KLHL3: variants seen among roughly 807,000 people sequenced by gnomAD.
The protein encoded by KLHL3 is kelch-like protein 3.
Under a neutral mutation model 70.5 loss-of-function variants are expected in KLHL3, and 19 were observed. The observed-to-expected ratio is 0.27, with a 90% CI of 0.19 to 0.40. The LOEUF is 0.40. Among genes scored for constraint, KLHL3 ranks in the 10% least tolerant of loss-of-function variants. KLHL3 has a pLI of 1.00. For missense variants in KLHL3, 512 were observed against 771.1 expected, an observed-to-expected ratio of 0.66 and a Z score of 3.98; for synonymous variants, 258 against 290.3, an observed-to-expected ratio of 0.89 and a Z score of 1.13.
chr5:137,696,256 C>A (rs2149920587), intron 4 of KLHL3, among the ~76,000 whole-genome samples: 1 of 152,328 alleles, frequency 6.6e-6, no homozygotes, highest in South Asian at 2.1e-4. Context: ...GGTGTTGGGG[C>A]CACCCAGGGT....
intron 11 of KLHL3, among the ~76,000 whole-genome samples, chr5:137,636,733 T>C (rs1038889318): frequency 1.2e-4 from 18 of 152,052 alleles, no homozygotes; most frequent in Non-Finnish European, 8.8e-5. Flanking sequence ...CAAACAAAAG[T>C]GTACCATCTG....
chr5:137,731,755 A>G (rs1304399854), intron 1 of KLHL3, among the ~76,000 whole-genome samples: 1 of 152,134 alleles, frequency 6.6e-6, no homozygotes, highest in African/African-American at 2.4e-5. Flanking sequence ...AAAAATAGAC[A>G]ATTAACTTCC....
intron 8 of KLHL3, among the ~76,000 whole-genome samples, chr5:137,648,977 A>C (rs945232954): frequency 6.6e-6 from 1 of 152,212 alleles, no homozygotes; most frequent in African/African-American, 2.4e-5. Context: ...TTACTTTCTC[A>C]GAGAGACTTC....
At chr5:137,721,894 G>C (rs1753004133) in intron 1 of KLHL3, among the ~76,000 whole-genome samples, 1 of 152,218 alleles carries the variant, frequency 6.6e-6, no homozygotes, top group African/African-American at 2.4e-5. Flanking sequence ...GTGGAAATAA[G>C]GAATCAAAAG....
intron 1 of KLHL3, among the ~76,000 whole-genome samples, chr5:137,725,939 T>C (rs1753078998): frequency 6.6e-6 from 1 of 152,206 alleles, no homozygotes; most frequent in Non-Finnish European, 1.5e-5. Context: ...TCAAGCTTCA[T>C]AGCCATAAGG....
intron 14 of KLHL3, among the ~76,000 whole-genome samples, chr5:137,623,106 A>C (rs773658325): frequency 1.3e-5 from 2 of 152,256 alleles, no homozygotes; most frequent in Non-Finnish European, 2.9e-5. Flanking sequence ...TGGTTCTGTC[A>C]GTCTGAGCCC....
At chr5:137,637,164 T>G (rs1207148647) in intron 11 of KLHL3, 130 bp downstream of exon 11, 1 of 667,764 alleles carries the variant, frequency 1.5e-6, no homozygotes. Context: ...ATCAGGATAA[T>G]AGTACCTAAC....
At position 137,687,396 on chromosome 5, in the gene KLHL3, C is replaced by A. The variant is rs1256552319; in HGVS notation, c.526+4889G>T. ...AGGAGCCCCTCTGCCTGGCGAGCCG[C>A]CCCGTCCGGGAGGGTGGTGGGGGGG... On this transcript the variant is annotated intron_variant, in intron 5 of 14. Coordinates refer to ENST00000309755, the MANE Select transcript of KLHL3 (RefSeq NM_017415.3). Among the ~76,000 whole-genome samples the A allele has an allele frequency of 4.2e-4, 13 of 31,122 alleles. 3 individuals carry two copies. Among genetic ancestry groups the A allele is most frequent in the Admixed American group, 3.2e-3 (12 of 3,780 alleles). The allele number at this position is 31,122 out of a possible 152,430, so 20.4% of individuals were successfully genotyped here.
At chr5:137,668,488 A>G (rs1383676781) in intron 6 of KLHL3, among the ~76,000 whole-genome samples, 1 of 152,126 alleles carries the variant, frequency 6.6e-6, no homozygotes, top group South Asian at 2.1e-4. Flanking sequence ...TCCTAATTAC[A>G]ATCCTCCACG....
chr5:137,709,821 T>G lies in KLHL3; in HGVS notation c.170A>C (p.Glu57Ala). Residue 57 changes from glutamate to alanine, a missense_variant, in exon 3 of 15, where the codon GAA (glutamate) becomes GCA (alanine). Glu to Ala is a moderately radical substitution (Grantham distance 107). Coordinates refer to ENST00000309755, the MANE Select transcript of KLHL3 (RefSeq NM_017415.3). The part of the protein sequence containing the change: ...QLLCDVMIVA[E>A]DVEIEAHRVV... Reference sequence around the variant, plus strand: ...ACGGTGGGCTTCTATCTCGACATCTTCTGCCACAATCATCACGTCACACAA... The same window carrying G: ...ACGGTGGGCTTCTATCTCGACATCTGCTGCCACAATCATCACGTCACACAA... 6.2e-7 allele frequency: 1 copy of G among 1,614,098 alleles called. No individual in the cohort carries two copies. Among genetic ancestry groups the G allele is most frequent in the Non-Finnish European group, 8.5e-7 (1 of 1,180,010 alleles).
In KLHL3 at chr5:137,625,796, C is replaced by T. The variant is rs2149876234; in HGVS notation, c.1692G>A (p.Trp564Ter). 6.2e-7 allele frequency: 1 copy of T among 1,614,136 alleles called. No individual in the cohort carries two copies. Among genetic ancestry groups the T allele is most frequent in the Non-Finnish European group, 8.5e-7 (1 of 1,180,028 alleles). Residue 564 changes from tryptophan to a stop codon, truncating the protein, a stop_gained, in exon 14 of 15, where the codon TGG becomes TGA. Transcript: ENST00000309755. LOFTEE classifies it high-confidence loss of function. The stretch of plus-strand genomic sequence containing the variant: ...TGCTCATGTTCGTTGGAAGCAGCGT[C>T]CATTTGTCAGTGACAGGATTGTAGT... ...VEYYNPVTDK[W>*]TLLPTNMSTG...
intron 5 of KLHL3, among the ~76,000 whole-genome samples, chr5:137,683,247 T>C (rs1362908479): frequency 6.6e-6 from 1 of 152,122 alleles, no homozygotes. Context: ...AACATACTCA[T>C]TGTGTTTTAC....
intron 6 of KLHL3, among the ~76,000 whole-genome samples, chr5:137,677,251 A>C (rs1025025846): frequency 7.9e-5 from 12 of 152,212 alleles, no homozygotes; most frequent in African/African-American, 2.9e-4. Flanking sequence ...GTTCAAGACC[A>C]GTCTGGTCAA....
chr5:137,678,950 C>A (rs11747372), intron 5 of KLHL3, among the ~76,000 whole-genome samples: 1,524 of 151,856 alleles, frequency 0.01, 13 homozygotes, highest in Non-Finnish European at 0.017. Context: ...AGTTTTTTTA[C>A]GAAGGAAACC....
At chr5:137,694,789 G>C (rs1752407129) in intron 4 of KLHL3, among the ~76,000 whole-genome samples, 1 of 152,126 alleles carries the variant, frequency 6.6e-6, no homozygotes, top group Non-Finnish European at 1.5e-5. Context: ...AATAGGATAG[G>C]TGTTCATCCT....
intron 3 of KLHL3, among the ~76,000 whole-genome samples, chr5:137,699,219 C>A (rs1383315968): frequency 6.6e-6 from 1 of 152,150 alleles, no homozygotes; most frequent in Non-Finnish European, 1.5e-5. Context: ...CTACAGGCAG[C>A]AAAGGTGAGG....
chr5:137,626,674 T>A (rs1485716834), intron 13 of KLHL3, among the ~76,000 whole-genome samples: 4 of 152,202 alleles, frequency 2.6e-5, no homozygotes, highest in Admixed American at 2.6e-4. Context: ...CCCTCCTGGA[T>A]GGCGTCTAAA....
chr5:137,626,386 A>G (rs540320389), intron 13 of KLHL3, among the ~76,000 whole-genome samples: 1 of 152,304 alleles, frequency 6.6e-6, no homozygotes, highest in African/African-American at 2.4e-5. Context: ...TCCCTTTACA[A>G]GACTGGGTCT....
At chr5:137,693,040 C>T (rs1467327188) in intron 4 of KLHL3, among the ~76,000 whole-genome samples, 1 of 152,158 alleles carries the variant, frequency 6.6e-6, no homozygotes, top group East Asian at 1.9e-4. Flanking sequence ...TGTCCCACAA[C>T]CTTCAGTGTA....
Sources: allele counts gnomAD v4.1 joint callset (sites outside exome capture counted in the v4.1 genomes callset), GRCh38; gene constraint gnomAD v4.1.1; transcripts MANE v1.5; gene names NCBI Gene and HGNC (gene_info 2026-07-23, HGNC 2026-07-21).